The following ANK1 variants were observed in gnomAD, a reference collection of about 807,000 sequenced individuals.
ANK1 encodes the protein ankyrin-1.
Under a neutral mutation model 210.4 loss-of-function variants are expected in ANK1, and 51 were observed. The ratio of observed to expected loss-of-function variants is 0.24; its 90% confidence interval spans 0.19 to 0.31. The LOEUF (loss-of-function observed/expected upper bound fraction) is 0.31. Ranked by LOEUF, ANK1 falls within the 10% of genes least tolerant of loss-of-function variation. The pLI, the probability that ANK1 is intolerant of heterozygous loss-of-function variation, is 1.00. For missense variants in ANK1, 2,051 were observed against 2,504.4 expected (o/e 0.82, Z 3.86); for synonymous variants, 967 against 1,025.9 (o/e 0.94, Z 1.10).
chr8:41,858,156 C>CG (rs978684780), intron 1 of ANK1, among the ~76,000 whole-genome samples: 3 of 151,950 alleles, frequency 2.0e-5, no homozygotes, highest in African/African-American at 7.3e-5. Context: ...CACTTGAGCC[C>CG]GGGAATTGGA....
At chr8:41,751,652 C>G (rs553409324) in intron 2 of ANK1, among the ~76,000 whole-genome samples, 24 of 152,216 alleles carry the variant, frequency 1.6e-4, no homozygotes, top group African/African-American at 5.8e-4. Flanking sequence ...GCCTGGGCAG[C>G]AAGTCCTCTG....
At chr8:41,754,667 G>C (rs1328594829) in intron 2 of ANK1, among the ~76,000 whole-genome samples, 1 of 152,226 alleles carries the variant, frequency 6.6e-6, no homozygotes, top group Non-Finnish European at 1.5e-5. Flanking sequence ...AGAGCAGAAA[G>C]CTCTAGTAGC....
At chr8:41,813,302 A>T (rs922519692) in intron 1 of ANK1, among the ~76,000 whole-genome samples, 2 of 152,154 alleles carry the variant, frequency 1.3e-5, no homozygotes, top group African/African-American at 4.8e-5. Context: ...CTGGAAAAGG[A>T]CAGCTTTTGT....
At chr8:41,706,319 G>T in intron 17 of ANK1, 78 bp from the exon 18 acceptor site, 9 of 1,346,824 alleles carry the variant, frequency 6.7e-6, no homozygotes, top group Non-Finnish European at 8.3e-6. Context: ...TGAGGTCTGG[G>T]AGCTGAAGCT....
chr8:41,847,298 TG>T (rs1341223935), intron 1 of ANK1, among the ~76,000 whole-genome samples: 1 of 152,176 alleles, frequency 6.6e-6, no homozygotes, highest in Non-Finnish European at 1.5e-5. Context: ...AAGGTTTACC[TG>T]GGGAGGTGAA....
At chr8:41,681,583 A>G (rs2150574237) in intron 37 of ANK1, among the ~76,000 whole-genome samples, 1 of 152,346 alleles carries the variant, frequency 6.6e-6, no homozygotes, top group African/African-American at 2.4e-5. Flanking sequence ...AGGGCCTCAG[A>G]AGGAGGCTCA....
At chr8:41,728,076 G>A in intron 3 of ANK1, 70 bp from the exon 4 acceptor site, 1 of 1,505,876 alleles carries the variant, frequency 6.6e-7, no homozygotes, top group East Asian at 2.3e-5. Context: ...GCAAAGGTCT[G>A]TGGACAGGTG....
chr8:41,663,607 C>T (rs1424537815), intron 40 of ANK1, 52 bp downstream of exon 40: 1 of 1,559,430 alleles, frequency 6.4e-7, no homozygotes, highest in African/African-American at 1.4e-5. Flanking sequence ...CACCTTTTAG[C>T]TTCTAGCCCA....
intron 1 of ANK1, among the ~76,000 whole-genome samples, chr8:41,882,075 T>A (rs945247236): frequency 2.0e-5 from 3 of 152,180 alleles, no homozygotes; most frequent in African/African-American, 7.2e-5. Flanking sequence ...TGTTGAAGGC[T>A]TCCCCCCGCC....
chr8:41,818,781 T>C (rs1418111247), intron 1 of ANK1, among the ~76,000 whole-genome samples: 1 of 152,058 alleles, frequency 6.6e-6, no homozygotes, highest in East Asian at 1.9e-4. Context: ...AAAAACCTGG[T>C]CAGGCAGGCA....
rs769619019 is a variant in ANK1 at position 41,717,030 on chromosome 8, T to A, written c.1327A>T (p.Met443Leu). 3.7e-6 allele frequency: 6 copies of A among 1,614,264 alleles called. No individual in the cohort carries two copies. The change falls in exon 13 of 43, where the codon ATG becomes TTG. Residue 443 changes from methionine (M) to leucine (L), a missense_variant. Met to Leu is a conservative substitution (Grantham distance 15). Around this residue, in one of 6 missense-constraint regions of ANK1, gnomAD observed 1,413 missense variants for 1,707.4 expected, o/e 0.83. Transcript: ENST00000289734. ...SNVKVETPLH[M>L]AARAGHTEVA... ...TCCGTGTGCCCGGCTCTGGCTGCCA[T>A]GTGTAGCGGGGTCTCCACTTTCTAT...
At chr8:41,696,006 T>A (rs1369178066) in intron 26 of ANK1, among the ~76,000 whole-genome samples, 1 of 152,210 alleles carries the variant, frequency 6.6e-6, no homozygotes, top group African/African-American at 2.4e-5. Flanking sequence ...GGCTTCAGAG[T>A]GGCCTTGTCT....
At chr8:41,795,605 C>T (rs1002089623) in intron 1 of ANK1, among the ~76,000 whole-genome samples, 1 of 152,042 alleles carries the variant, frequency 6.6e-6, no homozygotes, top group Non-Finnish European at 1.5e-5. Context: ...TTTGTAGCAA[C>T]GTGGTTGTAA....
chr8:41,855,421 A>G lies in ANK1; in HGVS notation c.126+40934T>C, dbSNP rs553023128. Among the ~76,000 whole-genome samples, 169 of 152,368 alleles carry G rather than the reference A, an allele frequency of 1.1e-3. 1 individual carries two copies. The highest frequency in any genetic ancestry group is 2.1e-3 in the Non-Finnish European group (143 of 68,036). ...GAAGAAAGATACGTAACAAAGCACCACACAGAGGCCATCGTCCTCCCTCCA... is the reference window on the plus strand; with the variant it reads ...GAAGAAAGATACGTAACAAAGCACCGCACAGAGGCCATCGTCCTCCCTCCA... On this transcript the variant is annotated intron_variant, in intron 1 of 42. Transcript: ENST00000265709.
Position 41,695,445 on chromosome 8 carries a change from G to A in ANK1, c.2961-114C>T, listed in dbSNP as rs1218064694. 1.5e-5 allele frequency: 21 copies of A among 1,440,786 alleles called. No individual in the cohort carries two copies. The Admixed American group carries it at 2.1e-4, about 14-fold the overall frequency. The allele number at this position is 1,440,786 out of a possible 1,614,324, so 89.3% of individuals were successfully genotyped here. A position where few individuals can be genotyped will look rare whatever the true frequency, so the allele number is the denominator to read the frequency against. On this transcript the variant is annotated intron_variant, in intron 26 of 42. Coordinates refer to ENST00000289734, the MANE Select transcript of ANK1 (RefSeq NM_000037.4). ...ATGGATAAGGCACTTCCGCAGCCAC[G>A]TGGAGGCCCCACCTGCAGGCAGGTC...
At chr8:41,679,300 G>C (rs1408437041) in intron 37 of ANK1, among the ~76,000 whole-genome samples, 1 of 152,180 alleles carries the variant, frequency 6.6e-6, no homozygotes, top group Non-Finnish European at 1.5e-5. Flanking sequence ...AAGTTACTTG[G>C]AAGTAGTTTG....
intron 1 of ANK1, among the ~76,000 whole-genome samples, chr8:41,876,871 T>G (rs1304103912): frequency 6.6e-6 from 1 of 152,182 alleles, no homozygotes; most frequent in Non-Finnish European, 1.5e-5. Flanking sequence ...TTGGTAGAAT[T>G]TGTTCGTTTT....
At chr8:41,756,396 G>A (rs894101431) in intron 2 of ANK1, among the ~76,000 whole-genome samples, 1 of 150,108 alleles carries the variant, frequency 6.7e-6, no homozygotes. Context: ...TGCCTGCCTC[G>A]GCCTCCTAAA....
intron 1 of ANK1, among the ~76,000 whole-genome samples, chr8:41,775,898 A>G (rs1219502961): frequency 6.6e-6 from 1 of 152,192 alleles, no homozygotes; most frequent in Non-Finnish European, 1.5e-5. Flanking sequence ...AATAATAACA[A>G]TAATAATAGC....
Sources: gnomAD v4.1 joint callset for allele counts (sites outside exome capture counted in the v4.1 genomes callset) on GRCh38, gnomAD v4.1.1 for gene constraint, gnomAD v4.1.1 regional missense constraint, MANE v1.5 for transcripts, NCBI Gene and HGNC (gene_info 2026-07-23, HGNC 2026-07-21) for gene names.